The following MAP4K4 variants were observed in gnomAD, a reference collection of about 807,000 sequenced individuals.
The protein encoded by MAP4K4 is HPK/GCK-like kinase HGK.
MAP4K4 carries 38 observed loss-of-function variants against 189.6 expected under a neutral mutation model. The ratio of observed to expected loss-of-function variants is 0.20; its 90% CI spans 0.15 to 0.26. The LOEUF is 0.26. Among genes scored for constraint, MAP4K4 ranks in the 10% least tolerant of loss-of-function variants. MAP4K4 has a pLI of 1.00. For missense variants in MAP4K4, 1,054 were observed against 1,726.9 expected, an observed-to-expected ratio of 0.61 and a Z score of 6.91; for synonymous variants, 610 against 624.3, an observed-to-expected ratio of 0.98 and a Z score of 0.34.
At chr2:101,716,271 G>A (rs1267821338) in intron 2 of MAP4K4, among the ~76,000 whole-genome samples, 2 of 152,034 alleles carry the variant, frequency 1.3e-5, no homozygotes, top group Admixed American at 6.6e-5. Context: ...GTGAAACGCC[G>A]TCTCTACTAA....
At chr2:101,782,474 A>C (rs925475810) in intron 2 of MAP4K4, among the ~76,000 whole-genome samples, 3 of 152,262 alleles carry the variant, frequency 2.0e-5, no homozygotes, top group African/African-American at 7.2e-5. Context: ...TAGCACTGAC[A>C]TATTCATGTG....
intron 2 of MAP4K4, among the ~76,000 whole-genome samples, chr2:101,712,732 G>A (rs2046294371): frequency 6.6e-6 from 1 of 151,954 alleles, no homozygotes; most frequent in African/African-American, 2.4e-5. Context: ...CTGATCTCAG[G>A]TGATACACCC....
chr2:101,888,886 T>C, exon 32 of MAP4K4: 1 of 1,613,634 alleles, frequency 6.2e-7, no homozygotes, highest in Non-Finnish European at 8.5e-7. Flanking sequence ...GGTGTGTTCA[T>C]GCACAAAAGG....
intron 2 of MAP4K4, among the ~76,000 whole-genome samples, chr2:101,707,304 G>C (rs2042846643): frequency 6.6e-6 from 1 of 151,534 alleles, no homozygotes; most frequent in African/African-American, 2.4e-5. Context: ...CGCCTTGTGG[G>C]TACAAGCAAT....
chr2:101,829,540 C>T (rs749844971), exon 6 of MAP4K4: 2 of 1,611,676 alleles, frequency 1.2e-6, no homozygotes, highest in Non-Finnish European at 8.5e-7. Flanking sequence ...TGTGATTCAC[C>T]GGGATATCAA....
chr2:101,699,777 G>A (rs1213776313), intron 2 of MAP4K4, among the ~76,000 whole-genome samples: 1 of 152,204 alleles, frequency 6.6e-6, no homozygotes, highest in Non-Finnish European at 1.5e-5. Context: ...ACTTGGGTCA[G>A]TATTCTTAGG....
intron 2 of MAP4K4, among the ~76,000 whole-genome samples, chr2:101,786,556 A>C (rs1406652133): frequency 1.3e-5 from 2 of 152,252 alleles, no homozygotes; most frequent in Non-Finnish European, 2.9e-5. Context: ...TTTTAATTCT[A>C]AATCATGCTA....
At chr2:101,725,250 T>C (rs2054567322) in intron 2 of MAP4K4, among the ~76,000 whole-genome samples, 3 of 151,734 alleles carry the variant, frequency 2.0e-5, no homozygotes, top group Non-Finnish European at 2.9e-5. Flanking sequence ...AAGGAAGAGG[T>C]GTGGGTAGGA....
chr2:101,850,007 T>C (rs2097230947), intron 12 of MAP4K4, among the ~76,000 whole-genome samples: 2 of 152,198 alleles, frequency 1.3e-5, no homozygotes, highest in Non-Finnish European at 2.9e-5. Context: ...CAGAGTCTTT[T>C]AGCTGGTATT....
intron 27 of MAP4K4, among the ~76,000 whole-genome samples, chr2:101,877,736 T>C (rs1408333340): frequency 1.3e-5 from 2 of 150,150 alleles, no homozygotes; most frequent in Non-Finnish European, 3.0e-5. Flanking sequence ...TTATGTCTCT[T>C]TTTTACTTAT....
At chr2:101,719,509 A>G (rs1160315717) in intron 2 of MAP4K4, among the ~76,000 whole-genome samples, 1 of 152,170 alleles carries the variant, frequency 6.6e-6, no homozygotes, top group African/African-American at 2.4e-5. Context: ...AGACAGTGGC[A>G]GGCTTTTAGG....
rs1367492089 is a variant in MAP4K4, at chr2:101,778,358, GGCAGTTGTGAAATC to G, written c.124-12359_124-12346del. 7.9e-5 allele frequency among the ~76,000 whole-genome samples: 12 copies of G among 152,308 alleles called. No individual in the cohort carries two copies. The East Asian group carries it at 1.9e-3, about 25-fold the overall frequency. On this transcript the variant is annotated intron_variant, in intron 2 of 32. Coordinates refer to ENST00000324219, the Ensembl canonical transcript of MAP4K4. The stretch of plus-strand genomic sequence containing the variant: ...GTGCGGGGTCCCCACCTAATCTCCA[GGCAGTTGTGAAATC>G]GCTTTTGTATCTTTTTTGTAGTCAT...
At chr2:101,881,286 A>G (rs927054586) in intron 27 of MAP4K4, among the ~76,000 whole-genome samples, 2 of 152,158 alleles carry the variant, frequency 1.3e-5, no homozygotes, top group African/African-American at 4.8e-5. Context: ...TGTTGCTGGT[A>G]TACAGGAAAT....
At chr2:101,749,989 T>C (rs2067870651) in intron 2 of MAP4K4, among the ~76,000 whole-genome samples, 2 of 143,010 alleles carry the variant, frequency 1.4e-5, no homozygotes, top group Non-Finnish European at 3.0e-5. Context: ...AGAATGGCAA[T>C]CATTAAAAAG....
In MAP4K4 at chr2:101,882,195, A is replaced by C. The variant is rs577641619; in HGVS notation, c.3386-356A>C. Among the ~76,000 whole-genome samples the C allele has an allele frequency of 1.1e-4, 17 of 152,342 alleles. No individual in the cohort carries two copies. The East Asian group carries it at 3.3e-3, about 29-fold the overall frequency. ...AGTCTTTTGAATTCTAGACATACTGATAGGTGTATGAAATCATCTTATTAC... is the reference window on the plus strand; with the variant it reads ...AGTCTTTTGAATTCTAGACATACTGCTAGGTGTATGAAATCATCTTATTAC... On this transcript the variant is annotated intron_variant, in intron 27 of 32. Coordinates refer to ENST00000324219, the Ensembl canonical transcript of MAP4K4.
chr2:101,705,841 A>G (rs956310599), intron 2 of MAP4K4, among the ~76,000 whole-genome samples: 4 of 152,176 alleles, frequency 2.6e-5, no homozygotes, highest in Non-Finnish European at 5.9e-5. Flanking sequence ...GTTTGTGCCT[A>G]GTATTTGGTT....
chr2:101,760,758 C>G (rs1049386107), intron 2 of MAP4K4, among the ~76,000 whole-genome samples: 1 of 152,108 alleles, frequency 6.6e-6, no homozygotes, highest in African/African-American at 2.4e-5. Context: ...AATCCCACCA[C>G]TTTGGGAGGC....
chr2:101,822,744 CCTA>C (rs1339411196), intron 3 of MAP4K4, among the ~76,000 whole-genome samples: 5 of 152,044 alleles, frequency 3.3e-5, no homozygotes, highest in Non-Finnish European at 7.4e-5. Context: ...ACTCAGAGCC[CCTA>C]CTCTTCCCTG....
chr2:101,828,072 C>T (rs2096441695), intron 5 of MAP4K4, among the ~76,000 whole-genome samples: 1 of 152,172 alleles, frequency 6.6e-6, no homozygotes, highest in Admixed American at 6.5e-5. Flanking sequence ...TTCAGAGCTG[C>T]TAGACACACC....
Sources: gnomAD v4.1 joint callset for allele counts (sites outside exome capture counted in the v4.1 genomes callset) on GRCh38, gnomAD v4.1.1 for gene constraint, MANE v1.5 for transcripts, NCBI Gene and HGNC (gene_info 2026-07-23, HGNC 2026-07-21) for gene names.